The following IGSF1 variants were observed in gnomAD, a reference collection of about 807,000 sequenced individuals.
IGSF1 encodes immunoglobulin-like domain-containing protein 1.
A neutral mutation model predicts 95.3 loss-of-function variants in IGSF1; 40 were observed. That is an observed-to-expected ratio of 0.42 (90% CI 0.33 to 0.55). IGSF1 has a LOEUF of 0.55. Ranked by LOEUF, IGSF1 falls within the 20% of genes least tolerant of loss-of-function variation. The pLI is 0.10. For synonymous variants in IGSF1, 372 were observed against 382.9 expected, an observed-to-expected ratio of 0.97 and a Z score of 0.33; for missense variants, 906 against 1,025.4, an observed-to-expected ratio of 0.88 and a Z score of 1.59.
rs2080579126 is a variant in IGSF1 at position 131,282,653 on chromosome X, G to A, written c.1037C>T (p.Pro346Leu). The A allele has an allele frequency of 8.3e-7, 1 of 1,209,524 alleles. No individual in the cohort carries two copies. Among genetic ancestry groups the A allele is most frequent in the East Asian group, 3.0e-5 (1 of 33,844 alleles). ...GQNVSLRCRG[P>L]VDGVGLALYK... ...GAGTGCAAGACCCACTCCATCCACTGGTCCTCGACACCGTAGGCTCACATT... is the reference window on the plus strand; with the variant it reads ...GAGTGCAAGACCCACTCCATCCACTAGTCCTCGACACCGTAGGCTCACATT... Residue 346 changes from proline to leucine, a missense_variant, in exon 7 of 20, where the codon CCA (proline) becomes CTA (leucine). Transcript: ENST00000361420.
chrX:131,285,863 C>T lies in IGSF1; in HGVS notation c.283G>A (p.Ala95Thr), dbSNP rs753783718. The T allele has an allele frequency of 8.3e-7, 1 of 1,210,865 alleles. No individual in the cohort carries two copies. The highest frequency in any genetic ancestry group is 1.1e-6 in the Non-Finnish European group (1 of 894,798). The change falls in exon 4 of 20, where the codon GCC becomes ACC. Residue 95 changes from alanine to threonine, a missense_variant. Coordinates refer to ENST00000361420, the MANE Select transcript of IGSF1 (RefSeq NM_001555.5). ...KTFQVSFLIG[A>T]LTESNAGLYR... is the part of the protein sequence containing the mutation. ...AGACCTGCATTGGACTCAGTAAGGG[C>T]ACCTATAAGGAATGAAACTTGGAAG...
chrX:131,274,604 G>T lies in IGSF1; in HGVS notation c.3746C>A (p.Ala1249Glu). 8.3e-7 allele frequency: 1 copy of T among 1,210,006 alleles called. No homozygotes were observed. Reference protein sequence around the residue: ...EPSDPLELVGAAGPVAQECTV... With the variant: ...EPSDPLELVGEAGPVAQECTV... ...TGGAGAGATTATTCTCTTACCTGCT[G>T]CCCCCACCAGCTCCAGGGGATCACT... Residue 1249 changes from alanine (A) to glutamate (E), a missense_variant, in exon 18 of 20, where the codon GCA (alanine) becomes GAA (glutamate). Physicochemically the swap from Ala to Glu is moderately radical, Grantham distance 107. Coordinates refer to ENST00000361420, the MANE Select transcript of IGSF1 (RefSeq NM_001555.5).
At chrX:131,279,004 G>T in intron 11 of IGSF1, 139 bp downstream of exon 11, 1 of 727,924 alleles carries the variant, frequency 1.4e-6, no homozygotes, top group Non-Finnish European at 2.1e-6. Flanking sequence ...GCTGAATTTT[G>T]CCAGCAGCTT....
rs1469887000 is a variant in IGSF1, at chrX:131,277,025, A to G, written c.2522T>C (p.Ile841Thr). The change falls in exon 14 of 20, where the codon ATT becomes ACT. Residue 841 changes from isoleucine (I) to threonine (T), a missense_variant. Around this residue, in one of 5 missense-constraint regions of IGSF1, gnomAD observed 411 missense variants for 494.9 expected, o/e 0.83. Transcript: ENST00000361420. ...AAHFLIISVG[I>T]GDGGNYSCRY... ...GCAGCTGTAATTCCCTCCATCACCAATGCCCACCGAAATGATTAGAAAGTG... is the reference window on the plus strand; with the variant it reads ...GCAGCTGTAATTCCCTCCATCACCAGTGCCCACCGAAATGATTAGAAAGTG... 3 of 1,209,759 alleles carry G rather than the reference A, an allele frequency of 2.5e-6. No homozygotes were observed. Among genetic ancestry groups the G allele is most frequent in the African/African-American group, 3.5e-5 (2 of 57,412 alleles).
chrX:131,284,787 AC>A, intron 5 of IGSF1: 4 of 849,601 alleles, frequency 4.7e-6, no homozygotes, highest in Non-Finnish European at 5.7e-6. Context: ...AATAACAATT[AC>A]AAATAAAATA....
chrX:131,274,328 A>G, intron 18 of IGSF1, 122 bp from the exon 19 acceptor site: 2 of 927,426 alleles, frequency 2.2e-6, no homozygotes, highest in South Asian at 4.8e-5. Context: ...ATCTGTTCAG[A>G]CTACAGAGGG....
In IGSF1 at chrX:131,286,451, C is replaced by T. The variant is rs1190218407; in HGVS notation, c.83G>A (p.Gly28Asp). The T allele has an allele frequency of 8.3e-7, 1 of 1,203,760 alleles. No individual in the cohort carries two copies. The highest frequency in any genetic ancestry group is 3.0e-5 in the East Asian group (1 of 33,785). Residue 28 changes from glycine (G) to aspartate (D), a missense_variant, in exon 3 of 20, where the codon GGT (glycine) becomes GAT (aspartate). Gly to Asp is a moderately conservative substitution (Grantham distance 94). This residue lies in a region of IGSF1 where 442 missense variants were observed against 448.1 expected (regional missense o/e 0.99). Transcript: ENST00000361420. ...VLLFCIRMSL[G>D]MTSIVMDPQP... ...GACTCACTTACCTATTGATGTCATA[C>T]CCAGACTCATCCCTGAAAAGAGAGA... is the stretch of plus-strand genomic sequence containing the variant.
chrX:131,285,071 C>A, intron 5 of IGSF1, 108 bp downstream of exon 5: 1 of 1,112,844 alleles, frequency 9.0e-7, no homozygotes, highest in Non-Finnish European at 1.2e-6. Context: ...TGGGGCCTTG[C>A]AGGGCCTAGA....
chrX:131,285,531 G>A (rs1249507526), intron 4 of IGSF1, 65 bp from the exon 5 acceptor site: 1 of 1,073,546 alleles, frequency 9.3e-7, no homozygotes, highest in Non-Finnish European at 1.2e-6. Context: ...GAGCAGCAGA[G>A]GAGAGCTCTA....
intron 5 of IGSF1, chrX:131,284,321 C>T (rs1363628975): frequency 6.2e-6 from 1 of 162,350 alleles, no homozygotes; most frequent in Non-Finnish European, 1.0e-5. Flanking sequence ...CACAGTAGAT[C>T]AGATAGATAC....
At position 131,274,615 on chromosome X, in the gene IGSF1, C is replaced by T. The variant is rs761616570; in HGVS notation, c.3735G>A (p.Glu1245=). The part of the protein sequence containing the change: ...DIWSEPSDPL[E]LVGAAGPVAQ... Reference sequence around the variant, plus strand: ...TTCTCTTACCTGCTGCCCCCACCAGCTCCAGGGGATCACTAGGCTCTGACC... The same window carrying T: ...TTCTCTTACCTGCTGCCCCCACCAGTTCCAGGGGATCACTAGGCTCTGACC... The change falls in exon 18 of 20, where the codon GAG becomes GAA. Residue 1245 remains glutamate (E), a synonymous_variant. Coordinates refer to ENST00000361420, the MANE Select transcript of IGSF1 (RefSeq NM_001555.5). The T allele has an allele frequency of 1.7e-6, 2 of 1,211,511 alleles. No homozygotes were observed. The highest frequency in any genetic ancestry group is 2.2e-6 in the Non-Finnish European group (2 of 895,261).
Position 131,275,650 on chromosome X carries a change from T to A in IGSF1, c.3012A>T (p.Lys1004Asn). 8.3e-7 allele frequency: 1 copy of A among 1,211,503 alleles called. No individual in the cohort carries two copies. Among genetic ancestry groups the A allele is most frequent in the South Asian group, 1.8e-5 (1 of 56,976 alleles). Residue 1004 changes from lysine to asparagine, a missense_variant, in exon 16 of 20, where the codon AAA becomes AAT. By Grantham distance (94) the Lys-to-Asn change is moderately conservative. This residue lies in a region of IGSF1 where 411 missense variants were observed against 494.9 expected (regional missense o/e 0.83). Coordinates refer to ENST00000361420, the MANE Select transcript of IGSF1 (RefSeq NM_001555.5). ...PVHGVGYILH[K>N]EGEATSMQLW... Reference sequence around the variant, plus strand: ...GCTGCATTGAAGTGGCTTCTCCTTCTTTGTGCAGAATGTATCCTACTCCAT... The same window carrying A: ...GCTGCATTGAAGTGGCTTCTCCTTCATTGTGCAGAATGTATCCTACTCCAT...
intron 1 of IGSF1, among the ~76,000 whole-genome samples, chrX:131,288,038 G>A (rs997793228): frequency 8.9e-6 from 1 of 111,982 alleles, no homozygotes; most frequent in African/African-American, 3.2e-5. Context: ...GGAGGAGCAG[G>A]AAGAGGAGGA....
chrX:131,279,358 AGAGAT>A lies in IGSF1; in HGVS notation c.1647-22_1647-18del, dbSNP rs1158773745. 3.4e-6 allele frequency: 4 copies of A among 1,185,131 alleles called. No individual in the cohort carries two copies. Among genetic ancestry groups the A allele is most frequent in the South Asian group, 1.8e-5 (1 of 56,173 alleles). The stretch of plus-strand genomic sequence containing the variant: ...CAGGCTTCTCTAGTGAGACCAGAAA[AGAGAT>A]GAGAGGAGTTGCTGGGATGAGGGGG... On this transcript the variant is annotated intron_variant, in intron 9 of 19. Coordinates refer to ENST00000361420, the MANE Select transcript of IGSF1 (RefSeq NM_001555.5).
chrX:131,283,487 T>A (rs953954644), intron 5 of IGSF1, among the ~76,000 whole-genome samples: 5 of 112,009 alleles, frequency 4.5e-5, no homozygotes, highest in African/African-American at 1.6e-4. Context: ...GCTCTAACCA[T>A]GTGTAGGGGT....
Position 131,274,172 on chromosome X carries a change from A to G in IGSF1, c.3786T>C (p.Ile1262=). 2 of 1,211,411 alleles carry G rather than the reference A, an allele frequency of 1.7e-6. No individual in the cohort carries two copies. The highest frequency in any genetic ancestry group is 3.0e-5 in the East Asian group (1 of 33,817). The change falls in exon 19 of 20, where the codon ATT becomes ATC. Residue 1262 remains isoleucine (I), a synonymous_variant. Coordinates refer to ENST00000361420, the MANE Select transcript of IGSF1 (RefSeq NM_001555.5). ...PVAQECTVGN[I]VRSSLIVVVV... is the part of the protein sequence containing the mutation. ...CCACCACGATTAGGCTACTTCGGAC[A>G]ATGTTCCCTACAGTGCACTCCTGAG... is the stretch of plus-strand genomic sequence containing the variant.
rs150559043 is a variant in IGSF1, at chrX:131,278,537, G to A, written c.1965C>T (p.Thr655=). 61 of 1,209,022 alleles carry A rather than the reference G, an allele frequency of 5.0e-5. No homozygotes were observed. Among genetic ancestry groups the A allele is most frequent in the Non-Finnish European group, 6.7e-5 (60 of 894,320 alleles). The stretch of plus-strand genomic sequence containing the variant: ...CCCATGAATGGCAGTGGTAGCTCCC[G>A]GTGTGGCTCTGGGTCAGGGCGCCAA... ...FPLGALTQSH[T]GSYHCHSWEE... Residue 655 remains threonine, a synonymous_variant, in exon 12 of 20, where the codon ACC becomes ACT. Transcript: ENST00000361420.
chrX:131,279,097 G>C (rs188854607), intron 11 of IGSF1, 46 bp downstream of exon 11: 13 of 1,124,537 alleles, frequency 1.2e-5, no homozygotes, highest in Middle Eastern at 2.4e-4. Context: ...TAGTTATTTC[G>C]GATCTCCAGG....
At chrX:131,274,522 T>A (rs1345940726) in intron 18 of IGSF1, 77 bp downstream of exon 18, 16 of 1,038,421 alleles carry the variant, frequency 1.5e-5, no homozygotes, top group East Asian at 6.1e-5. Flanking sequence ...TTCTCCTGAT[T>A]TGGGATGTCT....
Sources: allele counts gnomAD v4.1 joint callset (sites outside exome capture counted in the v4.1 genomes callset), GRCh38; gene constraint gnomAD v4.1.1; regional missense constraint gnomAD v4.1.1; transcripts MANE v1.5; gene names NCBI Gene and HGNC (gene_info 2026-07-23, HGNC 2026-07-21).